Variants in NDUFA11 observed in about 807,000 individuals in gnomAD.
The protein encoded by NDUFA11 is NADH:ubiquinone oxidoreductase subunit A11, also known as NADH dehydrogenase [ubiquinone] 1 alpha subcomplex subunit 11.
A neutral mutation model predicts 11.3 loss-of-function variants in NDUFA11; 14 were observed. That is an observed-to-expected ratio of 1.24 (90% CI 0.82 to 1.94). The LOEUF is 1.94. NDUFA11 is among the 30% of genes most tolerant of loss of function. The probability of loss-of-function intolerance (pLI) is 0.00; values close to 1 mark genes in which losing one functional copy is unlikely to be tolerated. For synonymous variants in NDUFA11, 87 were observed against 85.6 expected, an observed-to-expected ratio of 1.02 and a Z score of -0.09; for missense variants, 204 against 200.3, an observed-to-expected ratio of 1.02 and a Z score of -0.11.
At chr19:5,892,402 C>A (rs547497147), downstream of NDUFA11, 32 of 156,220 alleles carry the variant, frequency 2.0e-4, no homozygotes, top group African/African-American at 7.0e-4. Flanking sequence ...CGGAGGCCTG[C>A]GTGGAACCAG....
intron 1 of NDUFA11, among the ~76,000 whole-genome samples, chr19:5,898,146 GT>G: frequency 6.6e-6 from 1 of 152,178 alleles, no homozygotes; most frequent in African/African-American, 2.4e-5. Flanking sequence ...CCTCCGAGAT[GT>G]AAAGCAATTC....
chr19:5,894,170 G>A (rs1334592959), downstream of NDUFA11, among the ~76,000 whole-genome samples: 1 of 152,256 alleles, frequency 6.6e-6, no homozygotes, highest in African/African-American at 2.4e-5. Flanking sequence ...CCTAGCCCCA[G>A]GGGCTGCGAG....
At chr19:5,902,818 GGC>G (rs1473765598) in intron 1 of NDUFA11, among the ~76,000 whole-genome samples, 1 of 152,202 alleles carries the variant, frequency 6.6e-6, no homozygotes, top group African/African-American at 2.4e-5. Context: ...AGATCAGTCT[GGC>G]CAACACGGTG....
chr19:5,900,493 A>G (rs2057637981), intron 1 of NDUFA11, among the ~76,000 whole-genome samples: 1 of 152,230 alleles, frequency 6.6e-6, no homozygotes, highest in Admixed American at 6.5e-5. Context: ...GAAGCCAGCC[A>G]GGAAACAATT....
At chr19:5,895,028 G>T in intron 3 of NDUFA11, 174 bp from the exon 4 acceptor site, 1 of 752,514 alleles carries the variant, frequency 1.3e-6, no homozygotes, top group Non-Finnish European at 2.1e-6. Context: ...TGTGGAAACT[G>T]ATGCACAGAG....
rs367890723 is a variant in NDUFA11, at chr19:5,896,606, C to T, written c.191-31G>A. 3.9e-5 allele frequency: 61 copies of T among 1,555,878 alleles called. No homozygotes were observed. Among genetic ancestry groups the T allele is most frequent in the African/African-American group, 2.5e-4 (18 of 73,250 alleles). Reference sequence around the variant, plus strand: ...GGGTAGACGGGAAGAGCAAGGGCCTCGAGACGGGCACAGCAGGAGCCTCTT... The same window carrying T: ...GGGTAGACGGGAAGAGCAAGGGCCTTGAGACGGGCACAGCAGGAGCCTCTT... On this transcript the variant is annotated intron_variant, in intron 2 of 3. Transcript: ENST00000308961. The surrounding 1 kb of genome is among the most constrained non-coding windows in gnomAD (Gnocchi z 5.8).
chr19:5,893,015 G>C, downstream of NDUFA11: 1 of 1,534,208 alleles, frequency 6.5e-7, no homozygotes, highest in Non-Finnish European at 8.7e-7. The surrounding 1 kb of genome is among the most constrained non-coding windows in gnomAD (Gnocchi z 4.1). Flanking sequence ...GGGTGGGTGT[G>C]TCCGCCCTTT....
chr19:5,900,818 T>A (rs1326182955), intron 1 of NDUFA11, among the ~76,000 whole-genome samples: 2 of 147,018 alleles, frequency 1.4e-5, no homozygotes, highest in African/African-American at 5.1e-5. Flanking sequence ...CTTGGGAGGC[T>A]GAGACACAAG....
chr19:5,892,915 A>C (rs1391385863), downstream of NDUFA11: 16 of 1,438,336 alleles, frequency 1.1e-5, no homozygotes, highest in Non-Finnish European at 1.5e-5. Context: ...ACAAGGAAAG[A>C]ATCAAGTTCT....
rs1028813817 is a variant in NDUFA11 at position 5,896,596 on chromosome 19, G to C, written c.191-21C>G. 3.2e-5 allele frequency: 50 copies of C among 1,558,766 alleles called. No individual in the cohort carries two copies. Among genetic ancestry groups the C allele is most frequent in the Non-Finnish European group, 4.3e-5 (49 of 1,152,286 alleles). On this transcript the variant is annotated intron_variant, in intron 2 of 3. Transcript: ENST00000308961. This position sits in a 1 kb window ranked among gnomAD's most constrained non-coding sequence, Gnocchi z 5.8. ...AGCAGCTGCGGGGTAGACGGGAAGA[G>C]CAAGGGCCTCGAGACGGGCACAGCA... is the stretch of plus-strand genomic sequence containing the variant.
downstream of NDUFA11, chr19:5,892,967 C>A (rs2057586657): frequency 6.6e-7 from 1 of 1,504,368 alleles, no homozygotes; most frequent in Non-Finnish European, 8.8e-7. Flanking sequence ...TCTATTAGGG[C>A]TTGGACAGGT....
At chr19:5,897,556 C>G (rs1419676519) in intron 1 of NDUFA11, among the ~76,000 whole-genome samples, 1 of 152,178 alleles carries the variant, frequency 6.6e-6, no homozygotes, top group Non-Finnish European at 1.5e-5. Context: ...CTCCTTGCCA[C>G]TCTCGACCCC....
At chr19:5,891,777 G>C (rs375730684), downstream of NDUFA11, 6 of 153,200 alleles carry the variant, frequency 3.9e-5, no homozygotes, top group African/African-American at 1.4e-4. Context: ...TCATCCTTGG[G>C]CCCTCTCTGC....
chr19:5,901,146 C>G, intron 1 of NDUFA11: 1 of 415,088 alleles, frequency 2.4e-6, no homozygotes, highest in South Asian at 2.6e-5. Flanking sequence ...CTCAGCAGCA[C>G]CACACCCCGA....
downstream of NDUFA11, chr19:5,891,342 C>G (rs905104892): frequency 6.6e-6 from 1 of 152,086 alleles, no homozygotes; most frequent in South Asian, 2.1e-4. Flanking sequence ...TCACTGCAAC[C>G]TCCACCTCCC....
chr19:5,891,670 C>T (rs1242571878), downstream of NDUFA11: 4 of 152,420 alleles, frequency 2.6e-5, no homozygotes, highest in Non-Finnish European at 4.4e-5. Flanking sequence ...CCAGGAGGCC[C>T]CTGATCGCCC....
In NDUFA11 at chr19:5,894,773, C is replaced by T; in HGVS notation, c.395G>A (p.Gly132Asp). Residue 132 changes from glycine (G) to aspartate (D), a missense_variant, in exon 4 of 4, where the codon GGC becomes GAC. Transcript: ENST00000308961. ...CTTGGGTTTTGCAAACACCTCCCAG[C>T]CCTCCAGCCGGCCCATCTTGACCAG... is the stretch of plus-strand genomic sequence containing the variant. ...ASLVKMGRLE[G>D]WEVFAKPKV is the part of the protein sequence containing the mutation. 1 of 1,613,526 alleles carries T rather than the reference C, an allele frequency of 6.2e-7. No homozygotes were observed. The highest frequency in any genetic ancestry group is 8.5e-7 in the Non-Finnish European group (1 of 1,179,830).
rs1159359322 is a variant in NDUFA11 at position 5,896,976 on chromosome 19, CTG to C, written c.117_118del (p.Tyr39Ter). The C allele has an allele frequency of 1.2e-6, 2 of 1,614,128 alleles. No homozygotes were observed. Among genetic ancestry groups the C allele is most frequent in the South Asian group, 2.2e-5 (2 of 91,084 alleles). On this transcript the variant is annotated stop_gained and frameshift_variant, in exon 2 of 4. Transcript: ENST00000308961. LOFTEE classifies it high-confidence loss of function. This position sits in a 1 kb window ranked among gnomAD's most constrained non-coding sequence, Gnocchi z 5.8. The stretch of plus-strand genomic sequence containing the variant: ...GGTGCCCGGAGGATTGAGTGTGACT[CTG>C]TAGGCAGCGGCGGTCAGGCCTGCGA...
At chr19:5,900,497 A>G (rs2057638029) in intron 1 of NDUFA11, among the ~76,000 whole-genome samples, 1 of 152,220 alleles carries the variant, frequency 6.6e-6, no homozygotes, top group Non-Finnish European at 1.5e-5. Context: ...CCAGCCAGGA[A>G]ACAATTTATC....
Sources: gnomAD v4.1 joint callset for allele counts (sites outside exome capture counted in the v4.1 genomes callset) on GRCh38, gnomAD v4.1.1 for gene constraint, Gnocchi (gnomAD v3.1) non-coding constraint, MANE v1.5 for transcripts, NCBI Gene and HGNC (gene_info 2026-07-23, HGNC 2026-07-21) for gene names.